Variants in AGBL1 observed in about 807,000 individuals in gnomAD.
The protein encoded by AGBL1 is AGBL carboxypeptidase 1, also known as cytosolic carboxypeptidase 4.
A neutral mutation model predicts 118.9 loss-of-function variants in AGBL1; 130 were observed. The observed-to-expected ratio is 1.09, with a 90% confidence interval of 0.95 to 1.26. The LOEUF (loss-of-function observed/expected upper bound fraction) is 1.26, where lower values mean the gene tolerates loss of function less well. AGBL1 is among the 50% of genes most tolerant of loss of function. The pLI is 0.00. For missense variants in AGBL1, 1,584 were observed against 1,298.1 expected, an observed-to-expected ratio of 1.22 and a Z score of -3.38; for synonymous variants, 555 against 478.9, an observed-to-expected ratio of 1.16 and a Z score of -2.08.
chr15:86,224,854 C>G (rs2078334987), intron 5 of AGBL1, 60 bp from the exon 6 acceptor site: 1 of 1,552,540 alleles, frequency 6.4e-7, no homozygotes, highest in Non-Finnish European at 8.9e-7. Context: ...GCTGTGGGAT[C>G]CATGTGCTGA....
At chr15:86,318,996 C>A (rs751700471) in intron 17 of AGBL1, among the ~76,000 whole-genome samples, 153 of 152,250 alleles carry the variant, frequency 1.0e-3, no homozygotes, top group Middle Eastern at 6.8e-3. Flanking sequence ...GACATTAAAA[C>A]AAACAACAAA....
chr15:86,244,102 A>G (rs537983438), intron 6 of AGBL1, among the ~76,000 whole-genome samples: 1 of 149,376 alleles, frequency 6.7e-6, no homozygotes, highest in African/African-American at 2.4e-5. Context: ...TATATAAGTA[A>G]ATAGACACTA....
chr15:86,436,227 T>C (rs1251332555), intron 18 of AGBL1, among the ~76,000 whole-genome samples: 3 of 151,280 alleles, frequency 2.0e-5, no homozygotes, highest in Non-Finnish European at 1.5e-5. Flanking sequence ...AGCATCCCAG[T>C]GAGGGCTAAG....
intron 17 of AGBL1, among the ~76,000 whole-genome samples, chr15:86,364,331 A>G (rs572594366): frequency 2.0e-5 from 3 of 152,164 alleles, no homozygotes; most frequent in African/African-American, 4.8e-5. Flanking sequence ...TAATAACCCA[A>G]TGAAGTAGGT....
intron 4 of AGBL1, among the ~76,000 whole-genome samples, chr15:86,156,797 T>C (rs369266604): frequency 2.0e-4 from 29 of 147,666 alleles, no homozygotes; most frequent in African/African-American, 7.0e-4. Context: ...TTTCTTTCTT[T>C]TTTTTTTTTT....
At chr15:86,241,770 T>A (rs2078645108) in intron 6 of AGBL1, among the ~76,000 whole-genome samples, 1 of 152,190 alleles carries the variant, frequency 6.6e-6, no homozygotes, top group Non-Finnish European at 1.5e-5. Flanking sequence ...GGGGACATGT[T>A]CAAACTGTAA....
chr15:86,591,869 C>T (rs143262279), intron 21 of AGBL1, among the ~76,000 whole-genome samples: 16 of 152,254 alleles, frequency 1.1e-4, no homozygotes, highest in East Asian at 3.9e-4. Flanking sequence ...CTTGGTCTTT[C>T]GGGTGACCAG....
At chr15:86,431,133 T>C (rs1321264626) in intron 18 of AGBL1, among the ~76,000 whole-genome samples, 4 of 151,956 alleles carry the variant, frequency 2.6e-5, no homozygotes, top group African/African-American at 9.6e-5. Flanking sequence ...TGGCTAACCC[T>C]TCGTAAGATC....
chr15:86,443,465 C>A lies in AGBL1; in HGVS notation c.2555+45919C>A, dbSNP rs542718530. 7.2e-5 allele frequency among the ~76,000 whole-genome samples: 11 copies of A among 152,218 alleles called. No homozygotes were observed. In the East Asian group the frequency reaches 2.1e-3, roughly 29 times the overall value. On this transcript the variant is annotated intron_variant, in intron 18 of 22. Transcript: ENST00000614907. ...ATCATTTCTTTGTGTTGGAAACATT[C>A]AAAATTCAAGCTATTTAAAAACATA...
intron 1 of AGBL1, among the ~76,000 whole-genome samples, chr15:86,100,953 A>G (rs1896678383): frequency 6.6e-6 from 1 of 151,842 alleles, no homozygotes. Flanking sequence ...TTTCATGTGC[A>G]TTGTTAGAAT....
chr15:86,814,462 A>C (rs1301994463), intron 22 of AGBL1, among the ~76,000 whole-genome samples: 1 of 152,224 alleles, frequency 6.6e-6, no homozygotes, highest in Non-Finnish European at 1.5e-5. Flanking sequence ...GATGGTCACA[A>C]TGAACCTCGA....
intron 1 of AGBL1, among the ~76,000 whole-genome samples, chr15:86,121,084 G>C (rs1025054227): frequency 3.3e-5 from 5 of 151,942 alleles, no homozygotes; most frequent in Non-Finnish European, 7.4e-5. Context: ...TTTTAGTAGA[G>C]ACAGGATTTC....
chr15:86,256,299 G>A (rs925178182), intron 7 of AGBL1, among the ~76,000 whole-genome samples: 4 of 152,210 alleles, frequency 2.6e-5, no homozygotes, highest in Admixed American at 6.5e-5. Context: ...AACACTGTGG[G>A]CTTTGAGAAG....
intron 1 of AGBL1, among the ~76,000 whole-genome samples, chr15:86,140,715 A>T (rs181175401): frequency 9.4e-4 from 143 of 152,146 alleles, no homozygotes; most frequent in Admixed American, 2.2e-3. Context: ...TTGAAGGATG[A>T]GCTGGCATTG....
At chr15:86,709,005 G>T (rs1309606704) in intron 22 of AGBL1, among the ~76,000 whole-genome samples, 1 of 152,086 alleles carries the variant, frequency 6.6e-6, no homozygotes, top group Non-Finnish European at 1.5e-5. Flanking sequence ...CAAAATCTGA[G>T]CCCACTTAAC....
intron 18 of AGBL1, among the ~76,000 whole-genome samples, chr15:86,503,577 A>G (rs1045866833): frequency 1.5e-4 from 22 of 151,208 alleles, no homozygotes; most frequent in Admixed American, 6.6e-5. Flanking sequence ...GCATTTACAA[A>G]TATGTATTTT....
intron 22 of AGBL1, among the ~76,000 whole-genome samples, chr15:86,860,900 G>A (rs971671019): frequency 1.3e-5 from 2 of 152,026 alleles, no homozygotes; most frequent in African/African-American, 4.8e-5. Flanking sequence ...GAGGCTTTTT[G>A]TTTACCTACC....
intron 22 of AGBL1, among the ~76,000 whole-genome samples, chr15:86,880,508 T>C (rs2079875679): frequency 6.6e-6 from 1 of 152,112 alleles, no homozygotes; most frequent in Non-Finnish European, 1.5e-5. Context: ...TCAATAGTAG[T>C]GAGAGGGTTC....
At chr15:86,114,713 C>T (rs187525792) in intron 1 of AGBL1, among the ~76,000 whole-genome samples, 20 of 152,110 alleles carry the variant, frequency 1.3e-4, no homozygotes, top group East Asian at 7.7e-4. Context: ...AGAATGTGGC[C>T]GATAAAACAA....
Sources: gnomAD v4.1 joint callset for allele counts (sites outside exome capture counted in the v4.1 genomes callset) on GRCh38, gnomAD v4.1.1 for gene constraint, MANE v1.5 for transcripts, NCBI Gene and HGNC (gene_info 2026-07-23, HGNC 2026-07-21) for gene names.